The following CCDC60 variants were observed in gnomAD, a reference collection of about 807,000 sequenced individuals.
CCDC60 encodes the protein coiled-coil domain containing 60.
Under a neutral mutation model 63.5 loss-of-function variants are expected in CCDC60, and 54 were observed. That is an observed-to-expected ratio of 0.85 (90% CI 0.68 to 1.07). The LOEUF (loss-of-function observed/expected upper bound fraction) is 1.07. CCDC60 is among the 50% of genes least tolerant of loss of function. CCDC60 has a pLI of 0.00. For missense variants in CCDC60, 651 were observed against 684.3 expected (o/e 0.95, Z 0.54); for synonymous variants, 206 against 238.8 (o/e 0.86, Z 1.27).
chr12:119,502,830 A>G (rs181438537), intron 6 of CCDC60, among the ~76,000 whole-genome samples: 7 of 152,282 alleles, frequency 4.6e-5, no homozygotes, highest in African/African-American at 1.4e-4. Flanking sequence ...GCTCACTGCA[A>G]GATTCCAAGC....
Position 119,410,478 on chromosome 12 carries a change from G to A in CCDC60, c.91-18205G>A, listed in dbSNP as rs1027989811. ...CCCTCACCCCTAAGCTGATTTTGCC[G>A]AAATGGCTTCTCAACAGCATTACCA... On this transcript the variant is annotated intron_variant, in intron 1 of 13. Coordinates refer to ENST00000327554, the MANE Select transcript of CCDC60 (RefSeq NM_178499.5). This position sits in a 1 kb window ranked among gnomAD's most constrained non-coding sequence, Gnocchi z 4.0. Among the ~76,000 whole-genome samples, 4 of 151,880 alleles carry A rather than the reference G, an allele frequency of 2.6e-5. No homozygotes were observed. Among genetic ancestry groups the A allele is most frequent in the Non-Finnish European group, 5.9e-5 (4 of 68,002 alleles).
chr12:119,425,634 TTCC>T (rs1956886836), intron 1 of CCDC60, among the ~76,000 whole-genome samples: 1 of 152,206 alleles, frequency 6.6e-6, no homozygotes, highest in African/African-American at 2.4e-5. Context: ...TTCTCTGCCT[TTCC>T]TCCATATCAT....
In CCDC60 at chr12:119,419,869, CTTT is replaced by C. The variant is rs1206831493; in HGVS notation, c.91-8793_91-8791del. Among the ~76,000 whole-genome samples the C allele has an allele frequency of 2.1e-3, 219 of 106,372 alleles. 1 individual carries two copies. Among genetic ancestry groups the C allele is most frequent in the Admixed American group, 5.1e-3 (44 of 8,648 alleles). The allele number at this position is 106,372 out of a possible 152,430, so 69.8% of individuals were successfully genotyped here. ...CAACAAGGAGAGATGTTAAATAATTCTTTTTTTTTTTTTTTTTTTTTTTGGAGA... is the reference window on the plus strand; with the variant it reads ...CAACAAGGAGAGATGTTAAATAATTCTTTTTTTTTTTTTTTTTTTTGGAGA... On this transcript the variant is annotated intron_variant, in intron 1 of 13. Transcript: ENST00000327554.
intron 7 of CCDC60, among the ~76,000 whole-genome samples, chr12:119,507,616 T>TATATA (rs1394824727): frequency 1.3e-5 from 1 of 79,304 alleles, no homozygotes; most frequent in Non-Finnish European, 2.4e-5. Flanking sequence ...ATATATATAT[T>TATATA]TTTTTTTTTT....
intron 1 of CCDC60, among the ~76,000 whole-genome samples, chr12:119,422,809 A>G (rs1956837450): frequency 6.6e-6 from 1 of 151,818 alleles, no homozygotes; most frequent in South Asian, 2.1e-4. Flanking sequence ...TCTTTTCCTG[A>G]TTTTCTATTA....
chr12:119,349,215 G>A (rs1955628839), intron 1 of CCDC60, among the ~76,000 whole-genome samples: 1 of 151,960 alleles, frequency 6.6e-6, no homozygotes. Context: ...AAGAAGAGCA[G>A]AAGGAAGGAA....
intron 1 of CCDC60, among the ~76,000 whole-genome samples, chr12:119,361,813 C>T (rs1955793786): frequency 6.6e-6 from 1 of 152,170 alleles, no homozygotes; most frequent in Non-Finnish European, 1.5e-5. Context: ...AATAATAAGT[C>T]ATGTCCATGC....
intron 1 of CCDC60, among the ~76,000 whole-genome samples, chr12:119,392,217 C>G (rs1272904822): frequency 6.6e-6 from 1 of 152,174 alleles, no homozygotes; most frequent in Admixed American, 6.5e-5. Context: ...TCCATCACTT[C>G]ATCTTCCCCA....
At chr12:119,503,666 G>A (rs1951914185) in intron 6 of CCDC60, among the ~76,000 whole-genome samples, 1 of 152,102 alleles carries the variant, frequency 6.6e-6, no homozygotes, top group Non-Finnish European at 1.5e-5. Context: ...TCCCTCTCCT[G>A]TGCAACCAAG....
chr12:119,444,219 C>T (rs1336688981), intron 2 of CCDC60, among the ~76,000 whole-genome samples: 1 of 152,198 alleles, frequency 6.6e-6, no homozygotes, highest in Admixed American at 6.5e-5. Flanking sequence ...TTCAGGATAA[C>T]GTTAGGTAAC....
chr12:119,376,846 G>A (rs1481869753), intron 1 of CCDC60, among the ~76,000 whole-genome samples: 1 of 152,100 alleles, frequency 6.6e-6, no homozygotes, highest in Non-Finnish European at 1.5e-5. Flanking sequence ...TGGAATATTG[G>A]GGGATGTTCT....
chr12:119,407,723 C>G (rs1956519556), intron 1 of CCDC60, among the ~76,000 whole-genome samples: 1 of 152,138 alleles, frequency 6.6e-6, no homozygotes, highest in African/African-American at 2.4e-5. Flanking sequence ...GTCACTCTGC[C>G]CCTCCATGCC....
intron 2 of CCDC60, among the ~76,000 whole-genome samples, chr12:119,460,832 A>G (rs1419712192): frequency 1.3e-5 from 2 of 152,290 alleles, no homozygotes; most frequent in African/African-American, 4.8e-5. Context: ...TTTGCTCAAT[A>G]ATGACCTAAT....
intron 2 of CCDC60, chr12:119,429,486 A>G (rs1261728348): frequency 6.6e-6 from 1 of 152,228 alleles, no homozygotes; most frequent in East Asian, 1.9e-4. Flanking sequence ...AGACTCTTTT[A>G]GCACAAAACA....
At position 119,360,468 on chromosome 12, in the gene CCDC60, G is replaced by A. The variant is rs557339613; in HGVS notation, c.90+25202G>A. Among the ~76,000 whole-genome samples, 418 of 151,132 alleles carry A rather than the reference G, an allele frequency of 2.8e-3. 1 individual carries two copies. Among genetic ancestry groups the A allele is most frequent in the African/African-American group, 9.2e-3 (379 of 40,998 alleles). ...TCACTTCCCAGACGGGGTGGCTGCC[G>A]GGCGGAGAGGCTCCTCACTTCTCAG... On this transcript the variant is annotated intron_variant, in intron 1 of 13. Coordinates refer to ENST00000327554, the MANE Select transcript of CCDC60 (RefSeq NM_178499.5).
In CCDC60 at chr12:119,360,111, C is replaced by T. The variant is rs563992953; in HGVS notation, c.90+24845C>T. ...CTCCTCACTTCCCAGTAGGGGCGGC[C>T]GGGCAGAGGCACCCCTCACCTCCCG... On this transcript the variant is annotated intron_variant, in intron 1 of 13. Transcript: ENST00000327554. 2.1e-4 allele frequency among the ~76,000 whole-genome samples: 31 copies of T among 151,074 alleles called. No individual in the cohort carries two copies. The East Asian group carries it at 4.2e-3, about 21-fold the overall frequency.
chr12:119,368,518 A>C (rs1172319637), intron 1 of CCDC60, among the ~76,000 whole-genome samples: 1 of 152,182 alleles, frequency 6.6e-6, no homozygotes, highest in Non-Finnish European at 1.5e-5. Flanking sequence ...AGGGGAACAC[A>C]GGGCGGTACT....
At chr12:119,442,383 G>T (rs1036451752) in intron 2 of CCDC60, among the ~76,000 whole-genome samples, 2 of 152,282 alleles carry the variant, frequency 1.3e-5, no homozygotes, top group East Asian at 3.9e-4. Context: ...AGGCAGAGAG[G>T]GGGTGGATCG....
At chr12:119,494,599 G>C (rs991470627) in intron 5 of CCDC60, among the ~76,000 whole-genome samples, 1 of 152,122 alleles carries the variant, frequency 6.6e-6, no homozygotes, top group Non-Finnish European at 1.5e-5. Context: ...TCAAGGGCTG[G>C]GCTGTCCAGG....
Sources: gnomAD v4.1 joint callset for allele counts (sites outside exome capture counted in the v4.1 genomes callset) on GRCh38, gnomAD v4.1.1 for gene constraint, Gnocchi (gnomAD v3.1) non-coding constraint, MANE v1.5 for transcripts, NCBI Gene and HGNC (gene_info 2026-07-23, HGNC 2026-07-21) for gene names.